The following DDX31 variants were observed in gnomAD, a reference collection of about 807,000 sequenced individuals.
DDX31 encodes the protein DEAD-box helicase 31, also known as ATP-dependent DNA helicase DDX31.
A neutral mutation model predicts 91.3 loss-of-function variants in DDX31; 70 were observed. That is an observed-to-expected ratio of 0.77 (90% CI 0.63 to 0.94). The LOEUF (loss-of-function observed/expected upper bound fraction) is 0.94, where lower values mean the gene tolerates loss of function less well. DDX31 is among the 40% of genes least tolerant of loss of function. DDX31 has a pLI of 0.00. For missense variants in DDX31, 902 were observed against 925.0 expected, an observed-to-expected ratio of 0.98 and a Z score of 0.32; for synonymous variants, 362 against 350.6, an observed-to-expected ratio of 1.03 and a Z score of -0.36.
At chr9:132,664,816 G>A (rs747808962) in intron 1 of DDX31, among the ~76,000 whole-genome samples, 2 of 151,222 alleles carry the variant, frequency 1.3e-5, no homozygotes, top group Non-Finnish European at 2.9e-5. Context: ...TCTGCCACTC[G>A]GGTCTTCCTT....
In DDX31 at chr9:132,652,491, C is replaced by A. The variant is rs771416070; in HGVS notation, c.590G>T (p.Arg197Leu). 4 of 1,614,008 alleles carry A rather than the reference C, an allele frequency of 2.5e-6. No homozygotes were observed. Among genetic ancestry groups the A allele is most frequent in the Non-Finnish European group, 3.4e-6 (4 of 1,180,004 alleles). The change falls in exon 7 of 20, where the codon CGC (arginine) becomes CTC (leucine). Residue 197 changes from arginine (R) to leucine (L), a missense_variant and splice_region_variant. Physicochemically the swap from Arg to Leu is moderately radical, Grantham distance 102. Transcript: ENST00000372159. Reference protein sequence around the residue: ...SLQAMESKIQRSDGPYALVLV... With the variant: ...SLQAMESKIQLSDGPYALVLV... ...CACCAGGGCATAGGGGCCATCACTG[C>A]GCTGTTGACACACAGAAAAAAAATG...
rs1831385594 is a variant in DDX31, at chr9:132,612,211, G to C, written c.1870C>G (p.Leu624Val). Residue 624 changes from leucine to valine, a missense_variant, in exon 19 of 20, where the codon CTG becomes GTG. Leu to Val is a conservative substitution (Grantham distance 32). Coordinates refer to ENST00000372159, the MANE Select transcript of DDX31 (RefSeq NM_022779.9). ...GATCGGACGTGGAAGATGTGCTTCA[G>C]CTCCCTGGGGTAGGTGGCGTAGGCT... The part of the protein sequence containing the change: ...IQAYATYPRE[L>V]KHIFHVRSLH... The C allele has an allele frequency of 1.2e-6, 2 of 1,614,086 alleles. No individual in the cohort carries two copies. Among genetic ancestry groups the C allele is most frequent in the Admixed American group, 3.3e-5 (2 of 60,006 alleles).
intron 1 of DDX31, chr9:132,663,212 C>CTGTTT (rs1835097136): frequency 1.6e-6 from 2 of 1,289,158 alleles, no homozygotes; most frequent in Admixed American, 4.6e-5. Flanking sequence ...GAAGCGGAAA[C>CTGTTT]ATTCATTACC....
intron 15 of DDX31, among the ~76,000 whole-genome samples, chr9:132,631,274 T>C (rs372551999): frequency 6.6e-6 from 1 of 152,172 alleles, no homozygotes; most frequent in South Asian, 2.1e-4. Context: ...ATTCACAATA[T>C]AAGCTCTAAA....
Position 132,652,712 on chromosome 9 carries a change from CA to C in DDX31, c.589-221del, listed in dbSNP as rs374894924. 1.6e-4 allele frequency among the ~76,000 whole-genome samples: 24 copies of C among 152,104 alleles called. No individual in the cohort carries two copies. In the East Asian group the frequency reaches 4.2e-3, roughly 27 times the overall value. ...TTCCCACATGTTGTAGGAGGAAGGGCAGGGGGGCAGGAGTGAGGTGGTAATT... is the reference window on the plus strand; with the variant it reads ...TTCCCACATGTTGTAGGAGGAAGGGCGGGGGGCAGGAGTGAGGTGGTAATT... On this transcript the variant is annotated intron_variant, in intron 6 of 19. Transcript: ENST00000372159.
At position 132,633,583 on chromosome 9, in the gene DDX31, A is replaced by T. The variant is rs559698255; in HGVS notation, c.1441-1492T>A. On this transcript the variant is annotated intron_variant, in intron 14 of 19. Transcript: ENST00000372159. ...TATGGAGACTCTAGGATATATTTTGAGTGTGTCTAGTATGCTTGTGTAAGA... is the reference window on the plus strand; with the variant it reads ...TATGGAGACTCTAGGATATATTTTGTGTGTGTCTAGTATGCTTGTGTAAGA... Among the ~76,000 whole-genome samples the T allele has an allele frequency of 2.6e-5, 4 of 152,238 alleles. No individual in the cohort carries two copies. The East Asian group carries it at 7.7e-4, about 29-fold the overall frequency.
intron 19 of DDX31, among the ~76,000 whole-genome samples, chr9:132,609,911 C>T (rs960731002): frequency 6.6e-6 from 1 of 152,146 alleles, no homozygotes; most frequent in Non-Finnish European, 1.5e-5. Context: ...TGAGTCACCG[C>T]GCCTGGCCAC....
In DDX31 at chr9:132,594,847, TC is replaced by T; in HGVS notation, c.*18del. 1.9e-6 allele frequency: 3 copies of T among 1,608,730 alleles called. No individual in the cohort carries two copies. Among genetic ancestry groups the T allele is most frequent in the Middle Eastern group, 2.1e-4 (1 of 4,830 alleles). On this transcript the variant is annotated 3_prime_UTR_variant, in exon 20 of 20. Transcript: ENST00000372159. Reference sequence around the variant, plus strand: ...GCCACCCGGGGCTTCCAGGTTCCACTCGAAGACCCAGAGAGATTTTAAACTT... The same window carrying T: ...GCCACCCGGGGCTTCCAGGTTCCACTGAAGACCCAGAGAGATTTTAAACTT...
At position 132,631,109 on chromosome 9, in the gene DDX31, T is replaced by A. The variant is rs527504778; in HGVS notation, c.1492-706A>T. Among the ~76,000 whole-genome samples the A allele has an allele frequency of 3.3e-5, 5 of 152,364 alleles. No homozygotes were observed. The East Asian group carries it at 9.6e-4, about 29-fold the overall frequency. ...TTACAATGGATAATGCAAAGCATTG[T>A]ATGTTTTCTTTGGCAATAACTTTGT... is the stretch of plus-strand genomic sequence containing the variant. On this transcript the variant is annotated intron_variant, in intron 15 of 19. Transcript: ENST00000372159.
chr9:132,605,235 C>A (rs553873114), intron 19 of DDX31, among the ~76,000 whole-genome samples: 1 of 152,310 alleles, frequency 6.6e-6, no homozygotes, highest in Non-Finnish European at 1.5e-5. Context: ...TCATCTATTA[C>A]AAAAAATTTA....
At chr9:132,620,725 G>C (rs1223940976) in intron 17 of DDX31, among the ~76,000 whole-genome samples, 1 of 152,106 alleles carries the variant, frequency 6.6e-6, no homozygotes, top group African/African-American at 2.4e-5. Context: ...TGAAGACAGA[G>C]GGGGGCAGAG....
rs1450694381 is a variant in DDX31, at chr9:132,594,942, C to T, written c.2165G>A (p.Gly722Asp). Residue 722 changes from glycine (G) to aspartate (D), a missense_variant, in exon 20 of 20, where the codon GGC (glycine) becomes GAC (aspartate). Gly to Asp is a moderately conservative substitution (Grantham distance 94). Transcript: ENST00000372159. The part of the protein sequence containing the change: ...QHSLQPTPCF[G>D]RGKTLKWRKT... Reference sequence around the variant, plus strand: ...TCTCCATTTTAATGTTTTCCCACGGCCAAAGCAGGGTGTCGGCTGCAGACT... The same window carrying T: ...TCTCCATTTTAATGTTTTCCCACGGTCAAAGCAGGGTGTCGGCTGCAGACT... 6.2e-7 allele frequency: 1 copy of T among 1,614,092 alleles called. No individual in the cohort carries two copies. The highest frequency in any genetic ancestry group is 1.3e-5 in the African/African-American group (1 of 74,942).
At chr9:132,655,603 G>A (rs912859458) in intron 6 of DDX31, among the ~76,000 whole-genome samples, 4 of 151,928 alleles carry the variant, frequency 2.6e-5, no homozygotes, top group Admixed American at 1.3e-4. Flanking sequence ...TTTACTTTTC[G>A]CTATATATAT....
chr9:132,653,129 A>G (rs1410075419), intron 6 of DDX31, among the ~76,000 whole-genome samples: 3 of 151,968 alleles, frequency 2.0e-5, no homozygotes, highest in Admixed American at 6.5e-5. Context: ...AAAAAAAACC[A>G]TAAGAGAACT....
intron 17 of DDX31, among the ~76,000 whole-genome samples, chr9:132,622,412 C>A (rs542513208): frequency 8.9e-5 from 13 of 146,100 alleles, no homozygotes; most frequent in South Asian, 4.6e-4. Context: ...CAGATGCTAC[C>A]AAAAAAAAAC....
At chr9:132,658,615 T>A (rs537039508) in intron 6 of DDX31, 56 bp downstream of exon 6, 1 of 1,490,058 alleles carries the variant, frequency 6.7e-7, no homozygotes, top group South Asian at 1.2e-5. Context: ...TATGCTTCAG[T>A]TTGATGGTTG....
At chr9:132,652,337 T>C (rs1210171745) in intron 7 of DDX31, 111 bp downstream of exon 7, 3 of 1,240,872 alleles carry the variant, frequency 2.4e-6, no homozygotes, top group African/African-American at 3.0e-5. Flanking sequence ...ATGGAACTGG[T>C]GTGCAGTGGC....
intron 7 of DDX31, among the ~76,000 whole-genome samples, chr9:132,651,922 T>A (rs957385238): frequency 6.6e-6 from 1 of 152,156 alleles, no homozygotes; most frequent in African/African-American, 2.4e-5. Context: ...CAATTCTCTG[T>A]AAGGAAGTGA....
chr9:132,607,575 CTG>C (rs923119159), intron 19 of DDX31, among the ~76,000 whole-genome samples: 1 of 152,236 alleles, frequency 6.6e-6, no homozygotes, highest in Non-Finnish European at 1.5e-5. Flanking sequence ...GCAAAAACTA[CTG>C]TGTGAGCACA....
Sources: gnomAD v4.1 joint callset for allele counts (sites outside exome capture counted in the v4.1 genomes callset) on GRCh38, gnomAD v4.1.1 for gene constraint, MANE v1.5 for transcripts, NCBI Gene and HGNC (gene_info 2026-07-23, HGNC 2026-07-21) for gene names.